Variants in CFAP221 observed in about 807,000 individuals in gnomAD.
CFAP221 encodes the protein cilia and flagella associated protein 221, also known as cilia- and flagella-associated protein 221.
A neutral mutation model predicts 113.1 loss-of-function variants in CFAP221; 97 were observed. That is an observed-to-expected ratio of 0.86 (90% CI 0.73 to 1.02). The LOEUF (loss-of-function observed/expected upper bound fraction) is 1.02, where lower values mean the gene tolerates loss of function less well. CFAP221 is among the 50% of genes least tolerant of loss of function. The pLI, the probability that CFAP221 is intolerant of heterozygous loss-of-function variation, is 0.00. For missense variants in CFAP221, 1,025 were observed against 1,013.4 expected (o/e 1.01, Z -0.16); for synonymous variants, 331 against 354.4 (o/e 0.93, Z 0.74).
rs536173598 is a variant in CFAP221 at position 119,559,719 on chromosome 2, C to A, written c.271C>A (p.Arg91Ser). The A allele has an allele frequency of 6.5e-7, 1 of 1,531,936 alleles. No homozygotes were observed. Among genetic ancestry groups the A allele is most frequent in the East Asian group, 2.4e-5 (1 of 40,888 alleles). The allele number at this position is 1,531,936 out of a possible 1,614,324, so 94.9% of individuals were successfully genotyped here. A position where few individuals can be genotyped will look rare whatever the true frequency, so the allele number is the denominator to read the frequency against. ...HLVNVSNEDT[R>S]VHILPPQTKY... ...GGTCAATGTTTCCAATGAAGACACA[C>A]GTGTTCATATTTTACCCCCGCAAAC... The change falls in exon 4 of 24, where the codon CGT (arginine) becomes AGT (serine). Residue 91 changes from arginine to serine, a missense_variant. Transcript: ENST00000413369.
At chr2:119,582,249 G>A (rs1682895703) in intron 6 of CFAP221, among the ~76,000 whole-genome samples, 2 of 152,164 alleles carry the variant, frequency 1.3e-5, no homozygotes, top group African/African-American at 4.8e-5. Flanking sequence ...AATTACATAT[G>A]TTGGTAAATT....
chr2:119,654,159 A>G (rs996544329), intron 23 of CFAP221, among the ~76,000 whole-genome samples: 1 of 152,330 alleles, frequency 6.6e-6, no homozygotes, highest in Admixed American at 6.5e-5. Context: ...AGAGACCTGC[A>G]GCAGCCAACA....
At chr2:119,627,607 A>G (rs200790034) in intron 15 of CFAP221, 46 bp from the exon 16 acceptor site, 18 of 1,582,480 alleles carry the variant, frequency 1.1e-5, no homozygotes, top group Non-Finnish European at 1.5e-5. Context: ...TTTCCCATAA[A>G]AATACCTTTA....
At chr2:119,651,704 T>C (rs1456847671) in intron 22 of CFAP221, among the ~76,000 whole-genome samples, 3 of 152,226 alleles carry the variant, frequency 2.0e-5, no homozygotes, top group Non-Finnish European at 2.9e-5. Flanking sequence ...CCATGTGCAC[T>C]GGAAAATAAT....
At chr2:119,624,288 A>G (rs1252590788) in intron 14 of CFAP221, among the ~76,000 whole-genome samples, 2 of 152,266 alleles carry the variant, frequency 1.3e-5, no homozygotes, top group Non-Finnish European at 2.9e-5. Flanking sequence ...ATCACTGGTC[A>G]TTAGGGAAAT....
chr2:119,593,825 G>A (rs187680376), intron 7 of CFAP221, among the ~76,000 whole-genome samples: 98 of 151,610 alleles, frequency 6.5e-4, no homozygotes, highest in Non-Finnish European at 1.1e-3. Context: ...GCAACAGAGC[G>A]AGACTCAGTC....
intron 21 of CFAP221, among the ~76,000 whole-genome samples, chr2:119,640,214 CAA>C (rs11403185): frequency 7.0e-6 from 1 of 143,308 alleles, no homozygotes. Flanking sequence ...CATCTCAAAA[CAA>C]AAAAAAAAAA....
chr2:119,566,591 G>A (rs538566463), intron 6 of CFAP221, among the ~76,000 whole-genome samples: 104 of 152,338 alleles, frequency 6.8e-4, no homozygotes, highest in Admixed American at 2.6e-3. Flanking sequence ...CAGCCTCAAC[G>A]TGGCTCCATT....
intron 6 of CFAP221, among the ~76,000 whole-genome samples, chr2:119,568,354 G>C (rs983210802): frequency 1.3e-5 from 2 of 151,868 alleles, no homozygotes; most frequent in Non-Finnish European, 2.9e-5. Flanking sequence ...TTAAGTTCTG[G>C]GATACATGTG....
At chr2:119,555,657 G>C (rs962799004) in intron 3 of CFAP221, among the ~76,000 whole-genome samples, 12 of 152,216 alleles carry the variant, frequency 7.9e-5, no homozygotes, top group African/African-American at 2.9e-4. Flanking sequence ...GCTGGGCACT[G>C]AGATGTGCTG....
intron 6 of CFAP221, among the ~76,000 whole-genome samples, chr2:119,576,006 G>A (rs1162200466): frequency 6.6e-6 from 1 of 152,136 alleles, no homozygotes; most frequent in Non-Finnish European, 1.5e-5. Flanking sequence ...TGAAGGTGGA[G>A]GGGTGGGAGC....
Position 119,601,415 on chromosome 2 carries a change from C to T in CFAP221, c.791+38C>T. ...TGCAGTGTTTTTGTTTATTTTTAAC[C>T]CTTTTTTGAAAATCCAAGTCTTCCT... On this transcript the variant is annotated intron_variant, in intron 8 of 23. Transcript: ENST00000413369. 2.8e-6 allele frequency: 4 copies of T among 1,449,980 alleles called. No individual in the cohort carries two copies. The South Asian group carries it at 4.2e-5, about 15-fold the overall frequency. 89.8% of individuals were successfully genotyped at this position (1,449,980 alleles called of 1,614,324 possible). A position where few individuals can be genotyped will look rare whatever the true frequency, so the allele number is the denominator to read the frequency against.
Position 119,587,132 on chromosome 2 carries a change from A to T in CFAP221, c.541A>T (p.Ile181Phe), listed in dbSNP as rs1683279464. The change falls in exon 7 of 24, where the codon ATT (isoleucine) becomes TTT (phenylalanine). Residue 181 changes from isoleucine (I) to phenylalanine (F), a missense_variant. Ile to Phe is a conservative substitution (Grantham distance 21). Coordinates refer to ENST00000413369, the MANE Select transcript of CFAP221 (RefSeq NM_001271049.2). ...TTTGTTTTGCAGCAAAACTTATGTT[A>T]TTCCTTTGCAGTGCAGCTGCCCTGT... is the stretch of plus-strand genomic sequence containing the variant. ...VLLGESKTYV[I>F]PLQCSCPVDF... 35 of 1,518,748 alleles carry T rather than the reference A, an allele frequency of 2.3e-5. No homozygotes were observed. Among genetic ancestry groups the T allele is most frequent in the Non-Finnish European group, 3.1e-5 (35 of 1,139,210 alleles). The allele number at this position is 1,518,748 out of a possible 1,614,324, so 94.1% of individuals were successfully genotyped here.
At chr2:119,605,951 A>C (rs1379401188) in intron 11 of CFAP221, among the ~76,000 whole-genome samples, 1 of 152,194 alleles carries the variant, frequency 6.6e-6, no homozygotes, top group African/African-American at 2.4e-5. Context: ...TAATAGCCAA[A>C]AAGTGGAAAC....
At chr2:119,650,139 TTGTTGATTACGGTTTCTATTTTTTC>T (rs1688041481) in intron 22 of CFAP221, among the ~76,000 whole-genome samples, 1 of 152,218 alleles carries the variant, frequency 6.6e-6, no homozygotes, top group Non-Finnish European at 1.5e-5. Context: ...AAATAAGTAT[TTGTTGATTACGGTTTCTATTTTTTC>T]TTTTATAAAC....
At position 119,611,543 on chromosome 2, in the gene CFAP221, C is replaced by A. The variant is rs1007147507; in HGVS notation, c.1222-110C>A. ...TGTGTTTCACCACTTCCAATGGGAA[C>A]GTCGTGGGTGGATTTGGCCAATTGC... On this transcript the variant is annotated intron_variant, in intron 12 of 23. Coordinates refer to ENST00000413369, the MANE Select transcript of CFAP221 (RefSeq NM_001271049.2). The A allele has an allele frequency of 8.5e-6, 7 of 823,682 alleles. No homozygotes were observed. The Admixed American group carries it at 1.1e-4, about 13-fold the overall frequency. 51.0% of individuals were successfully genotyped at this position (823,682 alleles called of 1,614,324 possible).
rs79574627 is a variant in CFAP221, at chr2:119,630,556, T to C, written c.1732-14T>C. On this transcript the variant is annotated splice_polypyrimidine_tract_variant and intron_variant, in intron 17 of 23. Coordinates refer to ENST00000413369, the MANE Select transcript of CFAP221 (RefSeq NM_001271049.2). Reference sequence around the variant, plus strand: ...ACAGGTTTTTAAGGATTTTCAATCTTCTTTCACCTTCAGGTTCCTCAACTG... The same window carrying C: ...ACAGGTTTTTAAGGATTTTCAATCTCCTTTCACCTTCAGGTTCCTCAACTG... 3.2e-6 allele frequency: 5 copies of C among 1,572,746 alleles called. No homozygotes were observed. In the African/African-American group the frequency reaches 6.8e-5, roughly 21 times the overall value.
chr2:119,587,000 G>A, intron 6 of CFAP221, 119 bp from the exon 7 acceptor site: 1 of 657,980 alleles, frequency 1.5e-6, no homozygotes, highest in Non-Finnish European at 2.4e-6. Flanking sequence ...GGAAGTGCCA[G>A]ATCAGCATTG....
chr2:119,594,894 G>T (rs888567624), intron 7 of CFAP221, among the ~76,000 whole-genome samples: 31 of 152,228 alleles, frequency 2.0e-4, no homozygotes, highest in African/African-American at 7.2e-4. Flanking sequence ...GCACAAAGTT[G>T]GGAAGCAGCA....
Sources: gnomAD v4.1 joint callset for allele counts (sites outside exome capture counted in the v4.1 genomes callset) on GRCh38, gnomAD v4.1.1 for gene constraint, MANE v1.5 for transcripts, NCBI Gene and HGNC (gene_info 2026-07-23, HGNC 2026-07-21) for gene names.